The following SOX5 variants were observed in gnomAD, a reference collection of about 807,000 sequenced individuals.
SOX5 encodes the protein transcription factor SOX-5.
Under a neutral mutation model 92.0 loss-of-function variants are expected in SOX5, and 9 were observed. The ratio of observed to expected loss-of-function variants is 0.10; its 90% confidence interval spans 0.06 to 0.17. SOX5 has a LOEUF of 0.17. Among genes scored for constraint, SOX5 ranks in the 10% least tolerant of loss-of-function variants. SOX5 has a pLI of 1.00. For synonymous variants in SOX5, 344 were observed against 336.3 expected (o/e 1.02, Z -0.25); for missense variants, 642 against 944.5 (o/e 0.68, Z 4.20).
At chr12:24,082,740 TC>T (rs1226763652) in intron 4 of SOX5, among the ~76,000 whole-genome samples, 1 of 151,864 alleles carries the variant, frequency 6.6e-6, no homozygotes, top group Non-Finnish European at 1.5e-5. Flanking sequence ...TACTGTTTGA[TC>T]TTTTTTTTTC....
intron 11 of SOX5, among the ~76,000 whole-genome samples, chr12:23,551,353 T>G (rs1292649652): frequency 6.6e-6 from 1 of 151,922 alleles, no homozygotes; most frequent in Non-Finnish European, 1.5e-5. Context: ...AAGGCGCATG[T>G]CCACTCTTTA....
chr12:24,537,061 T>C (rs1566419162), intron 1 of SOX5, among the ~76,000 whole-genome samples: 3 of 152,158 alleles, frequency 2.0e-5, no homozygotes. Flanking sequence ...CTCATTAAAA[T>C]AAATAGACAT....
At chr12:24,408,428 T>C (rs147435945) in intron 1 of SOX5, among the ~76,000 whole-genome samples, 33 of 152,320 alleles carry the variant, frequency 2.2e-4, no homozygotes, top group South Asian at 6.2e-4. Flanking sequence ...CTTGCAGAAC[T>C]ATACTACATT....
chr12:23,877,557 G>C (rs1184692524), intron 2 of SOX5, among the ~76,000 whole-genome samples: 6 of 151,736 alleles, frequency 4.0e-5, no homozygotes, highest in Non-Finnish European at 8.8e-5. Flanking sequence ...ATTACTTCCT[G>C]GTAATTTATT....
intron 3 of SOX5, among the ~76,000 whole-genome samples, chr12:23,796,920 T>C (rs903768609): frequency 6.8e-6 from 1 of 147,372 alleles, no homozygotes; most frequent in Admixed American, 6.8e-5. Flanking sequence ...TATATATATA[T>C]ACTCAGCAGA....
At chr12:24,465,900 C>T (rs529141456) in intron 1 of SOX5, among the ~76,000 whole-genome samples, 1 of 152,276 alleles carries the variant, frequency 6.6e-6, no homozygotes, top group African/African-American at 2.4e-5. Flanking sequence ...AGGGCTGTCA[C>T]AGCACTTCCC....
Position 24,541,359 on chromosome 12 carries a change from T to A in SOX5, c.-251+20970A>T, listed in dbSNP as rs3110020. Reference sequence around the variant, plus strand: ...ATTATTTGTATTTTACAATAGAAAATAAACGAAGAAATGTCCATGACATTG... The same window carrying A: ...ATTATTTGTATTTTACAATAGAAAAAAAACGAAGAAATGTCCATGACATTG... On this transcript the variant is annotated intron_variant, in intron 1 of 4. Transcript: ENST00000446891. 2.7e-3 allele frequency among the ~76,000 whole-genome samples: 406 copies of A among 152,308 alleles called. 3 individuals are homozygous for A. Among genetic ancestry groups the A allele is most frequent in the African/African-American group, 7.9e-3 (327 of 41,584 alleles).
At chr12:24,267,349 T>A (rs1943151316) in intron 3 of SOX5, among the ~76,000 whole-genome samples, 1 of 152,190 alleles carries the variant, frequency 6.6e-6, no homozygotes, top group Admixed American at 6.5e-5. Context: ...AAAACACCAA[T>A]GACTCATACA....
chr12:24,488,523 C>A (rs1450368147), intron 1 of SOX5, among the ~76,000 whole-genome samples: 1 of 152,102 alleles, frequency 6.6e-6, no homozygotes, highest in Non-Finnish European at 1.5e-5. Context: ...GAGTTCAAGG[C>A]TACAGTGAAC....
intron 2 of SOX5, among the ~76,000 whole-genome samples, chr12:24,289,589 G>A (rs370151644): frequency 7.1e-6 from 1 of 141,624 alleles, no homozygotes; most frequent in Admixed American, 6.8e-5. Flanking sequence ...AAGTAGCTGG[G>A]ACTACAGGCG....
At chr12:23,919,576 T>A (rs1169599804) in intron 1 of SOX5, among the ~76,000 whole-genome samples, 1 of 152,170 alleles carries the variant, frequency 6.6e-6, no homozygotes, top group African/African-American at 2.4e-5. Flanking sequence ...TTTACCTGCC[T>A]ACCTATCAAA....
chr12:23,948,888 A>T (rs946944643), intron 1 of SOX5, among the ~76,000 whole-genome samples: 1 of 152,188 alleles, frequency 6.6e-6, no homozygotes, highest in Non-Finnish European at 1.5e-5. Context: ...AAATACAGTA[A>T]ATTAAAATTC....
At chr12:23,647,717 C>T (rs1039597370) in intron 7 of SOX5, among the ~76,000 whole-genome samples, 5 of 152,194 alleles carry the variant, frequency 3.3e-5, no homozygotes, top group Non-Finnish European at 7.3e-5. Flanking sequence ...CTCCCCAACA[C>T]CAAACTTTTC....
rs866980094 is a variant in SOX5, at chr12:23,570,978, T to C, written c.1342+4683A>G. ...ATATATATATATATATATATATATA[T>C]ATATATTTTCATATTTTTGTATTTT... On this transcript the variant is annotated intron_variant, in intron 10 of 14. Coordinates refer to ENST00000451604, the MANE Select transcript of SOX5 (RefSeq NM_006940.6). 3.2e-3 allele frequency among the ~76,000 whole-genome samples: 374 copies of C among 116,236 alleles called. 10 individuals carry two copies. The highest frequency in any genetic ancestry group is 0.012 in the African/African-American group (359 of 29,720). 76.3% of individuals were successfully genotyped at this position (116,236 alleles called of 152,430 possible). A position where few individuals can be genotyped will look rare whatever the true frequency, so the allele number is the denominator to read the frequency against.
chr12:23,950,416 G>C (rs6487366), upstream of SOX5, among the ~76,000 whole-genome samples: 90,747 of 152,004 alleles, frequency 0.6, 27,782 homozygotes, highest in Non-Finnish European at 0.66. Flanking sequence ...CTGTTAGCTC[G>C]TGCTTTCCGC....
intron 4 of SOX5, among the ~76,000 whole-genome samples, chr12:23,993,904 TATGTATGTATGC>T (rs1291001428): frequency 1.3e-5 from 2 of 149,280 alleles, no homozygotes; most frequent in Non-Finnish European, 3.0e-5. Context: ...TGTATGTATG[TATGTATGTATGC>T]ATGTATGCAT....
At chr12:24,288,884 C>T (rs12313296) in intron 2 of SOX5, among the ~76,000 whole-genome samples, 1,653 of 152,260 alleles carry the variant, frequency 0.011, 19 homozygotes, top group Middle Eastern at 0.027. Flanking sequence ...AATTAATAAT[C>T]TATTCTCAGA....
chr12:24,360,112 G>A (rs933326730), intron 2 of SOX5, among the ~76,000 whole-genome samples: 1 of 152,254 alleles, frequency 6.6e-6, no homozygotes, highest in South Asian at 2.1e-4. Flanking sequence ...TTAGAAGTTT[G>A]CTTTAAAACA....
intron 10 of SOX5, among the ~76,000 whole-genome samples, chr12:23,570,546 C>T (rs780937596): frequency 8.6e-5 from 13 of 151,690 alleles, no homozygotes; most frequent in East Asian, 5.8e-4. Context: ...GGGGGGCTGA[C>T]GTGGGCGAAT....
Sources: gnomAD v4.1 joint callset for allele counts (sites outside exome capture counted in the v4.1 genomes callset) on GRCh38, gnomAD v4.1.1 for gene constraint, MANE v1.5 for transcripts, NCBI Gene and HGNC (gene_info 2026-07-23, HGNC 2026-07-21) for gene names.